The following HINFP variants were observed in gnomAD, a reference collection of about 807,000 sequenced individuals.
HINFP encodes MBD2 (methyl-CpG-binding protein)-interacting zinc finger protein.
A neutral mutation model predicts 50.1 loss-of-function variants in HINFP; 20 were observed. The ratio of observed to expected loss-of-function variants is 0.40; its 90% confidence interval spans 0.28 to 0.58. The LOEUF (loss-of-function observed/expected upper bound fraction) is 0.58, where lower values mean the gene tolerates loss of function less well. HINFP is among the 20% of genes least tolerant of loss of function. HINFP has a pLI of 0.45. For missense variants in HINFP, 505 were observed against 664.1 expected (o/e 0.76, Z 2.63); for synonymous variants, 247 against 243.7 (o/e 1.01, Z -0.13).
intron 9 of HINFP, 156 bp from the exon 10 acceptor site, chr11:119,133,928 A>T: frequency 1.1e-6 from 1 of 929,292 alleles, no homozygotes; most frequent in African/African-American, 1.7e-5. Flanking sequence ...CTTTTCTTCT[A>T]CATATTCCAA....
chr11:119,130,484 C>T, intron 2 of HINFP: 2 of 510,322 alleles, frequency 3.9e-6, no homozygotes, highest in Non-Finnish European at 7.0e-6. Context: ...ATGCTTTCTC[C>T]CTGACTGAAA....
At chr11:119,128,003 G>A (rs943829803) in intron 2 of HINFP, among the ~76,000 whole-genome samples, 6 of 152,006 alleles carry the variant, frequency 3.9e-5, no homozygotes, top group Middle Eastern at 3.4e-3. Flanking sequence ...ACAGGCGCGC[G>A]CCACCACGCC....
Position 119,130,927 on chromosome 11 carries a change from C to G in HINFP, c.384C>G (p.His128Gln). The G allele has an allele frequency of 6.2e-7, 1 of 1,614,250 alleles. No homozygotes were observed. Among genetic ancestry groups the G allele is most frequent in the Non-Finnish European group, 8.5e-7 (1 of 1,180,044 alleles). Residue 128 changes from histidine (H) to glutamine (Q), a missense_variant, in exon 3 of 10, where the codon CAC becomes CAG. Physicochemically the swap from His to Gln is conservative, Grantham distance 24. Coordinates refer to ENST00000350777, the MANE Select transcript of HINFP (RefSeq NM_198971.3). ...ACGTCATCCCTGATATCCCTGACCACTTCCTGTGTCTGTGGGAGCACTGTG... is the reference window on the plus strand; with the variant it reads ...ACGTCATCCCTGATATCCCTGACCAGTTCCTGTGTCTGTGGGAGCACTGTG... ...SRNVIPDIPD[H>Q]FLCLWEHCEN...
In HINFP at chr11:119,133,135, A is replaced by G. The variant is rs34118252; in HGVS notation, c.1055A>G (p.Lys352Arg). The G allele has an allele frequency of 5.9e-3, 9,584 of 1,614,234 alleles. 45 individuals carry two copies. The highest frequency in any genetic ancestry group is 7.4e-3 in the Non-Finnish European group (8,707 of 1,180,036). ...EPRYKCHVCDKCFTRGNNLTV... is the reference protein window; with the variant it reads ...EPRYKCHVCDRCFTRGNNLTV... ...AGGTACAAATGTCATGTGTGTGACA[A>G]ATGCTTCACACGGGGCAACAACCTC... Residue 352 changes from lysine (K) to arginine (R), a missense_variant, in exon 9 of 10, where the codon AAA becomes AGA. Physicochemically the swap from Lys to Arg is conservative, Grantham distance 26. Transcript: ENST00000350777.
chr11:119,129,309 G>A (rs1947609950), intron 2 of HINFP, among the ~76,000 whole-genome samples: 1 of 151,920 alleles, frequency 6.6e-6, no homozygotes, highest in African/African-American at 2.4e-5. Context: ...AAAGTGTTGG[G>A]ATTACAGGCG....
intron 2 of HINFP, 127 bp downstream of exon 2, chr11:119,127,252 T>C: frequency 2.6e-6 from 2 of 779,536 alleles, no homozygotes; most frequent in Non-Finnish European, 3.9e-6. Context: ...GTTTTTGTTG[T>C]ATATAAAAAC....
chr11:119,132,605 T>A (rs776989356), intron 6 of HINFP, 32 bp downstream of exon 6: 7 of 1,614,108 alleles, frequency 4.3e-6, no homozygotes, highest in Non-Finnish European at 4.2e-6. Context: ...GCCTCCCTCC[T>A]GCCCTCCAAG....
chr11:119,131,109 C>T lies in HINFP; in HGVS notation c.411+155C>T, dbSNP rs565604154. ...TTTTAAAATTTGTTTATTTTTTACA[C>T]ACAGGCTCTTGATCTGAAGCCCAGG... On this transcript the variant is annotated intron_variant, in intron 3 of 9. Transcript: ENST00000350777. The surrounding 1 kb of genome is among the most constrained non-coding windows in gnomAD (Gnocchi z 4.2). 1 of 743,968 alleles carries T rather than the reference C, an allele frequency of 1.3e-6. No individual in the cohort carries two copies. Among genetic ancestry groups the T allele is most frequent in the Admixed American group, 2.0e-5 (1 of 49,900 alleles). 46.1% of individuals were successfully genotyped at this position (743,968 alleles called of 1,614,324 possible).
At chr11:119,126,492 T>C (rs1337289183) in intron 1 of HINFP, 1 of 153,680 alleles carries the variant, frequency 6.5e-6, no homozygotes, top group East Asian at 1.9e-4. Flanking sequence ...ATTATCTTCA[T>C]TTTGCAGATG....
At chr11:119,132,340 C>A in intron 5 of HINFP, 156 bp from the exon 6 acceptor site, 1 of 688,408 alleles carries the variant, frequency 1.5e-6, no homozygotes, top group Admixed American at 2.7e-5. Context: ...TCTCTAAGTC[C>A]CATGCTCTTT....
chr11:119,132,020 C>G, intron 5 of HINFP, 38 bp downstream of exon 5: 4 of 1,610,946 alleles, frequency 2.5e-6, no homozygotes, highest in Non-Finnish European at 3.4e-6. Flanking sequence ...TGCAGGCTGT[C>G]CTGCTTGGAA....
Position 119,134,723 on chromosome 11 carries a change from G to A in HINFP, c.*225G>A, listed in dbSNP as rs1947980949. 1 of 491,364 alleles carries A rather than the reference G, an allele frequency of 2.0e-6. No homozygotes were observed. The highest frequency in any genetic ancestry group is 3.6e-6 in the Non-Finnish European group (1 of 276,230). 30.4% of individuals were successfully genotyped at this position (491,364 alleles called of 1,614,324 possible). ...AGCCTGAGGACTCTGGATTCTTTGA[G>A]GGGATCCTGGATGTGTGTGTTCTTG... On this transcript the variant is annotated 3_prime_UTR_variant, in exon 10 of 10. Transcript: ENST00000350777. This position sits in a 1 kb window ranked among gnomAD's most constrained non-coding sequence, Gnocchi z 4.3.
At chr11:119,132,420 G>C in intron 5 of HINFP, 76 bp from the exon 6 acceptor site, 2 of 1,474,780 alleles carry the variant, frequency 1.4e-6, no homozygotes, top group Non-Finnish European at 1.9e-6. Context: ...CTTCTGCCTG[G>C]GATGGTTCCC....
chr11:119,131,555 G>A lies in HINFP; in HGVS notation c.432G>A (p.Glu144=), dbSNP rs368535539. 6.2e-7 allele frequency: 1 copy of A among 1,614,126 alleles called. No homozygotes were observed. The highest frequency in any genetic ancestry group is 1.6e-4 in the Middle Eastern group (1 of 6,062). ...CACAGAATTCCTTCGACAATCCTGA[G>A]TGGTTTTATCGGCATGTGGAAGCAC... ...EHCENSFDNP[E]WFYRHVEAHS... The change falls in exon 4 of 10, where the codon GAG becomes GAA. Residue 144 remains glutamate, a synonymous_variant. Coordinates refer to ENST00000350777, the MANE Select transcript of HINFP (RefSeq NM_198971.3). The surrounding 1 kb of genome is among the most constrained non-coding windows in gnomAD (Gnocchi z 4.2).
chr11:119,132,831 T>G (rs374160093), intron 7 of HINFP, 33 bp from the exon 8 acceptor site: 8 of 1,614,100 alleles, frequency 5.0e-6, no homozygotes, highest in South Asian at 2.2e-5. Flanking sequence ...GTGTTCCCCA[T>G]GTCCTCCAAT....
chr11:119,134,697 G>T lies in HINFP; in HGVS notation c.*199G>T. ...TTTCTGCCAGACTACATTTTGTGGG[G>T]AGCCTGAGGACTCTGGATTCTTTGA... On this transcript the variant is annotated 3_prime_UTR_variant, in exon 10 of 10. Coordinates refer to ENST00000350777, the MANE Select transcript of HINFP (RefSeq NM_198971.3). The surrounding 1 kb of genome is among the most constrained non-coding windows in gnomAD (Gnocchi z 4.3). 1.9e-6 allele frequency: 1 copy of T among 524,292 alleles called. No individual in the cohort carries two copies. Among genetic ancestry groups the T allele is most frequent in the South Asian group, 3.3e-5 (1 of 30,652 alleles). 32.5% of individuals were successfully genotyped at this position (524,292 alleles called of 1,614,324 possible).
chr11:119,126,905 G>C (rs975242709), intron 1 of HINFP, 30 bp from the exon 2 acceptor site: 1 of 1,571,614 alleles, frequency 6.4e-7, no homozygotes, highest in East Asian at 2.3e-5. Flanking sequence ...TGGAATTCTT[G>C]CAGCTGTGGA....
In HINFP at chr11:119,126,950, G is replaced by A. The variant is rs760099602; in HGVS notation, c.6G>A (p.Pro2=). M[P]PPGKVPRKEN... ...CTTCCTCTAGGGTGAAGGCCATGCC[G>A]CCTCCTGGGAAAGTTCCCCGAAAGG... The change falls in exon 2 of 10, where the codon CCG becomes CCA. Residue 2 remains proline (P), a synonymous_variant. Coordinates refer to ENST00000350777, the MANE Select transcript of HINFP (RefSeq NM_198971.3). The A allele has an allele frequency of 2.5e-6, 4 of 1,612,468 alleles. No individual in the cohort carries two copies. Among genetic ancestry groups the A allele is most frequent in the Non-Finnish European group, 1.7e-6 (2 of 1,179,188 alleles).
Position 119,134,095 on chromosome 11 carries a change from A to G in HINFP, c.1151A>G (p.His384Arg). The G allele has an allele frequency of 6.2e-7, 1 of 1,614,188 alleles. No homozygotes were observed. Among genetic ancestry groups the G allele is most frequent in the East Asian group, 2.2e-5 (1 of 44,886 alleles). Residue 384 changes from histidine to arginine, a missense_variant, in exon 10 of 10, where the codon CAT becomes CGT. By Grantham distance (29) the His-to-Arg change is conservative (BLOSUM62 0). Transcript: ENST00000350777. This position sits in a 1 kb window ranked among gnomAD's most constrained non-coding sequence, Gnocchi z 4.3. ...SGHPRFRYKE[H>R]EDGYMRLQLV... is the part of the protein sequence containing the mutation. ...TCCTACCTCACCAGGTACAAGGAAC[A>G]TGAAGATGGCTATATGCGGCTGCAG... is the stretch of plus-strand genomic sequence containing the variant.
Sources: allele counts gnomAD v4.1 joint callset (sites outside exome capture counted in the v4.1 genomes callset), GRCh38; gene constraint gnomAD v4.1.1; non-coding constraint Gnocchi (gnomAD v3.1); transcripts MANE v1.5; gene names NCBI Gene and HGNC (gene_info 2026-07-23, HGNC 2026-07-21).